The following MR1 variants were observed in gnomAD, a reference collection of about 807,000 sequenced individuals.
MR1 encodes major histocompatibility complex class I-related protein 1.
In MR1, 44 loss-of-function variants were observed where a neutral mutation model predicts 37.8. That is an observed-to-expected ratio of 1.16 (90% confidence interval 0.91 to 1.50). The LOEUF is 1.50. MR1 is among the 40% of genes most tolerant of loss of function. The pLI is 0.00. For synonymous variants in MR1, 153 were observed against 155.8 expected (o/e 0.98, Z 0.13); for missense variants, 386 against 419.1 (o/e 0.92, Z 0.69).
chr1:181,056,068 G>A lies in MR1; in HGVS notation c.*803G>A, dbSNP rs1322250906. 1 of 152,180 alleles carries A rather than the reference G, an allele frequency of 6.6e-6. No homozygotes were observed. Among genetic ancestry groups the A allele is most frequent in the Non-Finnish European group, 1.5e-5 (1 of 68,072 alleles). 9.4% of individuals were successfully genotyped at this position (152,180 alleles called of 1,614,324 possible). ...CTGGACCCAGCTGCACTATTTTAAT[G>A]TAAAAATAACAGTATGGCCAGGTGC... On this transcript the variant is annotated 3_prime_UTR_variant, in exon 6 of 6. Transcript: ENST00000367580.
Position 181,059,763 on chromosome 1 carries a change from G to A in MR1, c.*4498G>A, listed in dbSNP as rs1408097836. The A allele has an allele frequency of 6.6e-6, 1 of 152,202 alleles. No homozygotes were observed. The highest frequency in any genetic ancestry group is 3.2e-3 in the Middle Eastern group (1 of 316). The allele number at this position is 152,202 out of a possible 1,614,324, so 9.4% of individuals were successfully genotyped here. ...TTGGAAGTCACAAAATGTCATTCTTGTGATACTCTCATTGGTGAAGAAGTC... is the reference window on the plus strand; with the variant it reads ...TTGGAAGTCACAAAATGTCATTCTTATGATACTCTCATTGGTGAAGAAGTC... On this transcript the variant is annotated 3_prime_UTR_variant, in exon 6 of 6. Transcript: ENST00000367580.
At chr1:181,034,107 C>T (rs111546392) in intron 1 of MR1, 33 bp downstream of exon 1, 8 of 1,596,040 alleles carry the variant, frequency 5.0e-6, no homozygotes, top group African/African-American at 2.7e-5. Context: ...TCTCCTAACT[C>T]CAAAGTCGAG....
At chr1:181,052,539 G>A (rs1658382418) in intron 4 of MR1, 29 bp downstream of exon 4, 1 of 1,600,420 alleles carries the variant, frequency 6.2e-7, no homozygotes, top group Non-Finnish European at 8.5e-7. Context: ...GCTGTCTAGG[G>A]AGAGAGCCTG....
intron 1 of MR1, among the ~76,000 whole-genome samples, chr1:181,040,632 C>T (rs936924350): frequency 7.2e-5 from 11 of 152,240 alleles, no homozygotes; most frequent in East Asian, 1.9e-4. Flanking sequence ...AGCAGAGCCA[C>T]GCTGGGCTGA....
At position 181,053,661 on chromosome 1, in the gene MR1, G is replaced by T. The variant is rs750766088; in HGVS notation, c.969G>T (p.Trp323Cys). 2 of 1,613,320 alleles carry T rather than the reference G, an allele frequency of 1.2e-6. No individual in the cohort carries two copies. Among genetic ancestry groups the T allele is most frequent in the Admixed American group, 3.3e-5 (2 of 60,006 alleles). ...TGGCTGGAGTTGGTGTTCTAGTCTG[G>T]AGAAGAAGGCCCCGAGGTGAGAGGC... ...IVLAGVGVLV[W>C]RRRPREQNGA... The change falls in exon 5 of 6, where the codon TGG (tryptophan) becomes TGT (cysteine). Residue 323 changes from tryptophan to cysteine, a missense_variant. Coordinates refer to ENST00000367580, the MANE Select transcript of MR1 (RefSeq NM_001385161.1).
At position 181,042,199 on chromosome 1, in the gene MR1, A is replaced by G. The variant is rs1358279408; in HGVS notation, c.68-6853A>G. ...ACCAGCCTTCCCTTGAATCAAAGAT[A>G]ATTTTTTTTTTTTTTTTTTTGAGAT... On this transcript the variant is annotated intron_variant, in intron 1 of 5. Coordinates refer to ENST00000367580, the MANE Select transcript of MR1 (RefSeq NM_001385161.1). Among the ~76,000 whole-genome samples, 2 of 146,182 alleles carry G rather than the reference A, an allele frequency of 1.4e-5. 1 individual carries two copies. The highest frequency in any genetic ancestry group is 4.0e-4 in the East Asian group (2 of 5,054).
At chr1:181,036,378 G>C (rs941347626) in intron 1 of MR1, among the ~76,000 whole-genome samples, 2 of 152,138 alleles carry the variant, frequency 1.3e-5, no homozygotes, top group Non-Finnish European at 2.9e-5. Flanking sequence ...CATCTGGCTT[G>C]AAGGCTGTTT....
chr1:181,037,421 C>A (rs1657333711), intron 1 of MR1, among the ~76,000 whole-genome samples: 1 of 152,192 alleles, frequency 6.6e-6, no homozygotes, highest in Non-Finnish European at 1.5e-5. Context: ...TGTTTCACTC[C>A]CCTAAGGCCC....
In MR1 at chr1:181,052,323, A is replaced by T; in HGVS notation, c.693A>T (p.Glu231Asp). 1 of 1,614,206 alleles carries T rather than the reference A, an allele frequency of 6.2e-7. No individual in the cohort carries two copies. Among genetic ancestry groups the T allele is most frequent in the Non-Finnish European group, 8.5e-7 (1 of 1,180,030 alleles). Residue 231 changes from glutamate to aspartate, a missense_variant, in exon 4 of 6, where the codon GAA becomes GAT. Physicochemically the swap from Glu to Asp is conservative, Grantham distance 45. Coordinates refer to ENST00000367580, the MANE Select transcript of MR1 (RefSeq NM_001385161.1). Reference sequence around the variant, plus strand: ...AAGCTCATGGCTTTTACCCCCCAGAAATTTACATGACATGGATGAAAAACG... The same window carrying T: ...AAGCTCATGGCTTTTACCCCCCAGATATTTACATGACATGGATGAAAAACG... ...FCKAHGFYPP[E>D]IYMTWMKNGE...
intron 1 of MR1, among the ~76,000 whole-genome samples, chr1:181,043,276 C>T (rs1657665306): frequency 6.6e-6 from 1 of 152,234 alleles, no homozygotes; most frequent in African/African-American, 2.4e-5. Flanking sequence ...CTGCCCCAGC[C>T]TGTGGGAGGC....
intron 1 of MR1, among the ~76,000 whole-genome samples, chr1:181,037,687 G>A (rs543930947): frequency 1.3e-5 from 2 of 152,218 alleles, no homozygotes; most frequent in African/African-American, 2.4e-5. Context: ...TATATTTATC[G>A]GGGAAAATCT....
rs567361503 is a variant in MR1, at chr1:181,039,950, G to A, written c.67+5876G>A. On this transcript the variant is annotated intron_variant, in intron 1 of 5. Transcript: ENST00000367580. ...ACTTCATCAATTATTTTACAATCCA[G>A]TGATTTTCACAGCCTTTTGTAAGAA... Among the ~76,000 whole-genome samples, 3 of 151,974 alleles carry A rather than the reference G, an allele frequency of 2.0e-5. No individual in the cohort carries two copies. The South Asian group carries it at 6.2e-4, about 32-fold the overall frequency.
At chr1:181,049,668 C>T (rs562799142) in intron 2 of MR1, 109 of 474,310 alleles carry the variant, frequency 2.3e-4, no homozygotes, top group Middle Eastern at 5.5e-4. Flanking sequence ...TTATGAGTAT[C>T]GACAGTAACT....
chr1:181,049,078 C>T lies in MR1; in HGVS notation c.94C>T (p.Leu32=). Residue 32 remains leucine, a synonymous_variant, in exon 2 of 6, where the codon CTG becomes TTG. Coordinates refer to ENST00000367580, the MANE Select transcript of MR1 (RefSeq NM_001385161.1). ...SRTHSLRYFR[L]GVSDPIHGVP... ...GACGCACTCTCTGAGATATTTTCGC[C>T]TGGGCGTTTCGGATCCCATCCATGG... is the stretch of plus-strand genomic sequence containing the variant. 6.2e-7 allele frequency: 1 copy of T among 1,613,988 alleles called. No homozygotes were observed. The highest frequency in any genetic ancestry group is 8.5e-7 in the Non-Finnish European group (1 of 1,179,860).
Position 181,050,241 on chromosome 1 carries a change from C to T in MR1, c.559C>T (p.Leu187=), listed in dbSNP as rs1033122095. 1.9e-6 allele frequency: 3 copies of T among 1,614,084 alleles called. No individual in the cohort carries two copies. The highest frequency in any genetic ancestry group is 1.3e-5 in the African/African-American group (1 of 74,926). ...NWLEEECIAW[L]KRFLEYGKDT... ...GCTGGAAGAAGAATGTATTGCCTGG[C>T]TAAAGAGATTCCTGGAGTATGGGAA... The change falls in exon 3 of 6, where the codon CTA becomes TTA. Residue 187 remains leucine, a synonymous_variant. Coordinates refer to ENST00000367580, the MANE Select transcript of MR1 (RefSeq NM_001385161.1).
intron 4 of MR1, 146 bp from the exon 5 acceptor site, chr1:181,053,427 C>T: frequency 1.7e-6 from 1 of 595,270 alleles, no homozygotes; most frequent in Non-Finnish European, 3.0e-6. Flanking sequence ...AGCAGATATT[C>T]CATTAGTGGT....
chr1:181,059,726 T>C lies in MR1; in HGVS notation c.*4461T>C, dbSNP rs956839237. ...TCACAGTCAAAGTGCATAGCATTTATATAATCTAATCTTGGAAGTCACAAA... is the reference window on the plus strand; with the variant it reads ...TCACAGTCAAAGTGCATAGCATTTACATAATCTAATCTTGGAAGTCACAAA... On this transcript the variant is annotated 3_prime_UTR_variant, in exon 6 of 6. Transcript: ENST00000367580. 6 of 152,274 alleles carry C rather than the reference T, an allele frequency of 3.9e-5. No homozygotes were observed. The highest frequency in any genetic ancestry group is 9.6e-5 in the African/African-American group (4 of 41,456). 9.4% of individuals were successfully genotyped at this position (152,274 alleles called of 1,614,324 possible). A position where few individuals can be genotyped will look rare whatever the true frequency, so the allele number is the denominator to read the frequency against.
chr1:181,038,316 C>T (rs1657377173), intron 1 of MR1, among the ~76,000 whole-genome samples: 1 of 152,208 alleles, frequency 6.6e-6, no homozygotes, highest in Non-Finnish European at 1.5e-5. Flanking sequence ...TCTTGCTGCA[C>T]ATAGAACCAT....
intron 2 of MR1, chr1:181,049,523 C>A: frequency 1.6e-6 from 1 of 611,826 alleles, no homozygotes; most frequent in Non-Finnish European, 2.8e-6. Context: ...GTCATTTGCC[C>A]CACCCACTCT....
Sources: allele counts gnomAD v4.1 joint callset (sites outside exome capture counted in the v4.1 genomes callset), GRCh38; gene constraint gnomAD v4.1.1; transcripts MANE v1.5; gene names NCBI Gene and HGNC (gene_info 2026-07-23, HGNC 2026-07-21).